Variants in CNGB3 observed in about 807,000 individuals in gnomAD.
The protein encoded by CNGB3 is cyclic nucleotide gated channel subunit beta 3.
CNGB3 carries 86 observed loss-of-function variants against 92.8 expected under a neutral mutation model. That is an observed-to-expected ratio of 0.93 (90% CI 0.78 to 1.11). The LOEUF (loss-of-function observed/expected upper bound fraction) is 1.11, where lower values mean the gene tolerates loss of function less well. Among genes scored for constraint, CNGB3 ranks in the 50% least tolerant of loss-of-function variants. CNGB3 has a pLI of 0.00. For missense variants in CNGB3, 1,026 were observed against 956.8 expected (o/e 1.07, Z -0.95); for synonymous variants, 333 against 332.7 (o/e 1.00, Z -0.01).
At chr8:86,648,028 T>C in intron 7 of CNGB3, 141 bp from the exon 8 acceptor site, 2 of 698,890 alleles carry the variant, frequency 2.9e-6, no homozygotes, top group South Asian at 3.0e-5. Flanking sequence ...CAATTAACTA[T>C]GCATGGGGCT....
Position 86,670,976 on chromosome 8 carries a change from T to A in CNGB3, c.461A>T (p.Asp154Val), listed in dbSNP as rs1239761004. Residue 154 changes from aspartate to valine, a missense_variant, in exon 4 of 18, where the codon GAT becomes GTT. Physicochemically the swap from Asp to Val is radical, Grantham distance 152 (BLOSUM62 -3). Transcript: ENST00000320005. ...ALYKKKLVEG[D>V]LSSPEASPQT... ...TGGGCTGGCTTCGGGTGAGGAGAGA[T>A]CTCCCTCTACCAACTTTTTCTTGTA... is the stretch of plus-strand genomic sequence containing the variant. 1.2e-6 allele frequency: 2 copies of A among 1,612,638 alleles called. No homozygotes were observed. Among genetic ancestry groups the A allele is most frequent in the East Asian group, 2.2e-5 (1 of 44,882 alleles).
chr8:86,742,446 A>G (rs1289021060), intron 1 of CNGB3, among the ~76,000 whole-genome samples: 1 of 152,122 alleles, frequency 6.6e-6, no homozygotes, highest in East Asian at 1.9e-4. Flanking sequence ...TTAATCAGAA[A>G]AGGAAGGCAG....
intron 3 of CNGB3, among the ~76,000 whole-genome samples, chr8:86,682,037 A>C (rs1339003215): frequency 6.6e-6 from 1 of 152,194 alleles, no homozygotes; most frequent in Non-Finnish European, 1.5e-5. Context: ...AGAAAAAGCA[A>C]ATGAAGGAGT....
Position 86,578,754 on chromosome 8 carries a change from G to A in CNGB3, c.2038C>T (p.Leu680=). 1 of 1,613,964 alleles carries A rather than the reference G, an allele frequency of 6.2e-7. No homozygotes were observed. The highest frequency in any genetic ancestry group is 8.5e-7 in the Non-Finnish European group (1 of 1,179,970). ...EETPKLFKTL[L]GGTGKASLAR... ...AGACTTGCTTTTCCTGTGCCTCCTA[G>A]GAGAGTTTTAAACAGTTTGGGTGTC... Residue 680 remains leucine (L), a synonymous_variant, in exon 17 of 18, where the codon CTA becomes TTA. Coordinates refer to ENST00000320005, the MANE Select transcript of CNGB3 (RefSeq NM_019098.5).
intron 15 of CNGB3, among the ~76,000 whole-genome samples, chr8:86,584,319 G>A (rs1358320781): frequency 1.3e-5 from 2 of 152,174 alleles, no homozygotes; most frequent in African/African-American, 4.8e-5. Flanking sequence ...TAATCCTGTA[G>A]TTATGCAAGG....
intron 3 of CNGB3, among the ~76,000 whole-genome samples, chr8:86,680,422 G>A (rs975315849): frequency 2.6e-5 from 4 of 152,146 alleles, no homozygotes; most frequent in Non-Finnish European, 5.9e-5. Flanking sequence ...AAAGTGAGAG[G>A]GTTCTGAGAG....
chr8:86,616,204 A>G (rs1298533737), intron 13 of CNGB3, among the ~76,000 whole-genome samples: 1 of 152,204 alleles, frequency 6.6e-6, no homozygotes, highest in Non-Finnish European at 1.5e-5. Context: ...TTATTAACAT[A>G]CTTGGATAGC....
At chr8:86,646,151 G>T (rs1299177242) in intron 8 of CNGB3, among the ~76,000 whole-genome samples, 3 of 150,996 alleles carry the variant, frequency 2.0e-5, no homozygotes, top group East Asian at 1.9e-4. Context: ...TCTGAAAATT[G>T]TTTATGTCCA....
intron 6 of CNGB3, chr8:86,661,966 C>T (rs1823649181): frequency 3.6e-6 from 2 of 554,060 alleles, no homozygotes; most frequent in Non-Finnish European, 6.6e-6. Context: ...ATGGAACAGT[C>T]CTGGCCTCCG....
At chr8:86,642,044 C>CCT (rs753265945) in intron 10 of CNGB3, among the ~76,000 whole-genome samples, 8 of 151,660 alleles carry the variant, frequency 5.3e-5, no homozygotes, top group South Asian at 4.2e-4. Context: ...CCTTACTCCC[C>CCT]CTCTCTCTTC....
At chr8:86,702,377 A>C (rs1824572786) in intron 3 of CNGB3, among the ~76,000 whole-genome samples, 1 of 152,228 alleles carries the variant, frequency 6.6e-6, no homozygotes, top group East Asian at 1.9e-4. Flanking sequence ...ATATTATTAT[A>C]GGTAATGAAC....
chr8:86,740,104 C>A lies in CNGB3; in HGVS notation c.130-368G>T, dbSNP rs1440329756. Among the ~76,000 whole-genome samples the A allele has an allele frequency of 2.6e-5, 4 of 152,324 alleles. No homozygotes were observed. In the East Asian group the frequency reaches 7.7e-4, roughly 29 times the overall value. On this transcript the variant is annotated intron_variant, in intron 1 of 17. Coordinates refer to ENST00000320005, the MANE Select transcript of CNGB3 (RefSeq NM_019098.5). ...ATTCACACAAAGCTCCCTTTCTTCTCTCCATGATTTCATGTGCTTCTGCCT... is the reference window on the plus strand; with the variant it reads ...ATTCACACAAAGCTCCCTTTCTTCTATCCATGATTTCATGTGCTTCTGCCT...
chr8:86,637,701 T>A (rs1254761317), intron 10 of CNGB3, among the ~76,000 whole-genome samples: 1 of 152,222 alleles, frequency 6.6e-6, no homozygotes, highest in Non-Finnish European at 1.5e-5. Context: ...AATATTTTAT[T>A]CTTTTTGATG....
chr8:86,733,306 G>A (rs1825191430), intron 2 of CNGB3, among the ~76,000 whole-genome samples: 1 of 152,132 alleles, frequency 6.6e-6, no homozygotes, highest in African/African-American at 2.4e-5. Context: ...GTATTCCATG[G>A]CATATATGTG....
At chr8:86,658,278 GC>G in intron 6 of CNGB3, 1 of 516,836 alleles carries the variant, frequency 1.9e-6, no homozygotes. Context: ...GTTTAAAAAT[GC>G]CACCATGGCC....
rs1308276160 is a variant in CNGB3, at chr8:86,694,680, G to A, written c.339-23582C>T. On this transcript the variant is annotated intron_variant, in intron 3 of 17. Transcript: ENST00000320005. ...CCAGATGGGGCGGCGGGGTAGAGGCGCTCCCCACATCTCAGACGATGGGTG... is the reference window on the plus strand; with the variant it reads ...CCAGATGGGGCGGCGGGGTAGAGGCACTCCCCACATCTCAGACGATGGGTG... Among the ~76,000 whole-genome samples, 8 of 151,194 alleles carry A rather than the reference G, an allele frequency of 5.3e-5. No homozygotes were observed. The East Asian group carries it at 5.9e-4, about 11-fold the overall frequency.
intron 3 of CNGB3, among the ~76,000 whole-genome samples, chr8:86,721,606 T>C (rs1824971856): frequency 6.6e-6 from 1 of 152,148 alleles, no homozygotes; most frequent in Non-Finnish European, 1.5e-5. Flanking sequence ...GTTTGCAATG[T>C]TTAATTATAA....
intron 6 of CNGB3, chr8:86,661,465 T>A: frequency 1.7e-6 from 1 of 590,852 alleles, no homozygotes; most frequent in Non-Finnish European, 3.3e-6. Context: ...CATACGTCCC[T>A]GAGCTCTTTC....
chr8:86,699,203 T>A lies in CNGB3; in HGVS notation c.338+27328A>T, dbSNP rs949676843. Among the ~76,000 whole-genome samples the A allele has an allele frequency of 5.3e-5, 8 of 152,324 alleles. No homozygotes were observed. The South Asian group carries it at 1.2e-3, about 24-fold the overall frequency. On this transcript the variant is annotated intron_variant, in intron 3 of 17. Transcript: ENST00000320005. ...ATCCTTACAATTTGAACCCCTTTTT[T>A]AAACTCCATCTGTTGCACCTTAGTG...
Sources: gnomAD v4.1 joint callset for allele counts (sites outside exome capture counted in the v4.1 genomes callset) on GRCh38, gnomAD v4.1.1 for gene constraint, MANE v1.5 for transcripts, NCBI Gene and HGNC (gene_info 2026-07-23, HGNC 2026-07-21) for gene names.